CCDC198: variants seen among roughly 807,000 people sequenced by gnomAD.
CCDC198 encodes the protein factor associated with metabolism and energy.
Under a neutral mutation model 35.6 loss-of-function variants are expected in CCDC198, and 18 were observed. The observed-to-expected ratio is 0.51, with a 90% CI of 0.35 to 0.75. The LOEUF (loss-of-function observed/expected upper bound fraction) is 0.75, where lower values mean the gene tolerates loss of function less well. Among genes scored for constraint, CCDC198 ranks in the 30% least tolerant of loss-of-function variants. The probability of loss-of-function intolerance (pLI) is 0.01; values close to 1 mark genes in which losing one functional copy is unlikely to be tolerated. For missense variants in CCDC198, 365 were observed against 343.7 expected, an observed-to-expected ratio of 1.06 and a Z score of -0.49; for synonymous variants, 119 against 113.4, an observed-to-expected ratio of 1.05 and a Z score of -0.31.
intron 2 of CCDC198, among the ~76,000 whole-genome samples, chr14:57,487,324 G>T (rs1200056693): frequency 2.6e-5 from 4 of 152,166 alleles, no homozygotes; most frequent in Non-Finnish European, 5.9e-5. Flanking sequence ...TGGGAATCTG[G>T]TGAAGGGCCA....
Position 57,487,938 on chromosome 14 carries a change from G to T in CCDC198, c.306+3051C>A, listed in dbSNP as rs1389117359. Among the ~76,000 whole-genome samples, 10 of 152,116 alleles carry T rather than the reference G, an allele frequency of 6.6e-5. No homozygotes were observed. The East Asian group carries it at 1.9e-3, about 29-fold the overall frequency. Reference sequence around the variant, plus strand: ...TTCTAGTGATTTCCCTCCTCTCTGGGAGCTGACTTCAGAGTCTACAGGGGA... The same window carrying T: ...TTCTAGTGATTTCCCTCCTCTCTGGTAGCTGACTTCAGAGTCTACAGGGGA... On this transcript the variant is annotated intron_variant, in intron 2 of 5. Coordinates refer to ENST00000216445, the MANE Select transcript of CCDC198 (RefSeq NM_018168.4).
rs1341614038 is a variant in CCDC198, at chr14:57,493,793, G to C, written c.-78C>G. 1 of 1,107,872 alleles carries C rather than the reference G, an allele frequency of 9.0e-7. No homozygotes were observed. Among genetic ancestry groups the C allele is most frequent in the Non-Finnish European group, 1.3e-6 (1 of 771,220 alleles). The allele number at this position is 1,107,872 out of a possible 1,614,324, so 68.6% of individuals were successfully genotyped here. A position where few individuals can be genotyped will look rare whatever the true frequency, so the allele number is the denominator to read the frequency against. On this transcript the variant is annotated 5_prime_UTR_variant, in exon 1 of 6. Transcript: ENST00000216445. ...TTTAATATAGCTTATTTTAATCAAA[G>C]CATTTCAGAAGTTTACCCTCGCTTT...
At position 57,471,606 on chromosome 14, in the gene CCDC198, GT is replaced by G; in HGVS notation, c.656-17del. On this transcript the variant is annotated splice_polypyrimidine_tract_variant and intron_variant, in intron 5 of 5. Coordinates refer to ENST00000216445, the MANE Select transcript of CCDC198 (RefSeq NM_018168.4). The stretch of plus-strand genomic sequence containing the variant: ...TTTGAATTTCCTACAAAAAAATTAA[GT>G]TTCTTTAATTTTTTCCCTTAGCAAT... 7.0e-7 allele frequency: 1 copy of G among 1,427,056 alleles called. No individual in the cohort carries two copies. The allele number at this position is 1,427,056 out of a possible 1,614,324, so 88.4% of individuals were successfully genotyped here. A position where few individuals can be genotyped will look rare whatever the true frequency, so the allele number is the denominator to read the frequency against.
chr14:57,478,889 C>G (rs1013941067), intron 5 of CCDC198: 1 of 1,195,324 alleles, frequency 8.4e-7, no homozygotes, highest in Admixed American at 2.8e-5. Flanking sequence ...CTTAGAAGTT[C>G]AAGACCTCCA....
intron 2 of CCDC198, chr14:57,483,358 T>A: frequency 3.6e-6 from 2 of 555,194 alleles, no homozygotes; most frequent in Non-Finnish European, 6.2e-6. Flanking sequence ...TCTAGTGCAC[T>A]GTCGACAGTG....
intron 1 of CCDC198, among the ~76,000 whole-genome samples, chr14:57,492,706 C>T (rs1198966760): frequency 5.3e-5 from 8 of 151,940 alleles, no homozygotes; most frequent in Admixed American, 2.0e-4. Context: ...CTGAACAAGG[C>T]ATCCAATAAG....
chr14:57,473,671 TA>T (rs1254720696), intron 5 of CCDC198, among the ~76,000 whole-genome samples: 1 of 152,232 alleles, frequency 6.6e-6, no homozygotes, highest in African/African-American at 2.4e-5. Flanking sequence ...TTCATCCTTT[TA>T]CTTTCCCCTC....
intron 4 of CCDC198, among the ~76,000 whole-genome samples, chr14:57,481,352 G>C (rs552145349): frequency 6.6e-6 from 1 of 152,156 alleles, no homozygotes; most frequent in African/African-American, 2.4e-5. Flanking sequence ...CAGATACACA[G>C]ATACAAACTT....
chr14:57,478,628 A>G, intron 5 of CCDC198: 1 of 994,008 alleles, frequency 1.0e-6, no homozygotes, highest in South Asian at 4.5e-5. Flanking sequence ...GATGACTCTT[A>G]AATGTCTAAC....
rs1250404544 is a variant in CCDC198 at position 57,475,695 on chromosome 14, G to A, written c.656-4105C>T. On this transcript the variant is annotated intron_variant, in intron 5 of 5. Transcript: ENST00000216445. ...GCACTCCAGCCTGGGTAACAGGAGCGAAACTCTGTCTTAAAAAAAAAAAAA... is the reference window on the plus strand; with the variant it reads ...GCACTCCAGCCTGGGTAACAGGAGCAAAACTCTGTCTTAAAAAAAAAAAAA... The A allele has an allele frequency of 6.6e-5, 26 of 391,562 alleles. No individual in the cohort carries two copies. The Admixed American group carries it at 7.0e-4, about 10-fold the overall frequency. 24.3% of individuals were successfully genotyped at this position (391,562 alleles called of 1,614,324 possible).
In CCDC198 at chr14:57,480,654, C is replaced by T. The variant is rs759817234; in HGVS notation, c.596G>A (p.Arg199Lys). ...KAKKTLQSTP[R>K]NDDHDLLTML... ...GGTTAGAAGGTCATGGTCATCATTC[C>T]TTGGGGTGCTTTGAAGGGTTTTCTT... The change falls in exon 5 of 6, where the codon AGG (arginine) becomes AAG (lysine). Residue 199 changes from arginine (R) to lysine (K), a missense_variant. Physicochemically the swap from Arg to Lys is conservative, Grantham distance 26. Transcript: ENST00000216445. 1 of 1,614,084 alleles carries T rather than the reference C, an allele frequency of 6.2e-7. No individual in the cohort carries two copies. The highest frequency in any genetic ancestry group is 1.1e-5 in the South Asian group (1 of 91,068).
intron 5 of CCDC198, among the ~76,000 whole-genome samples, chr14:57,472,733 A>G (rs1010124525): frequency 3.3e-5 from 5 of 152,140 alleles, no homozygotes; most frequent in African/African-American, 7.2e-5. Flanking sequence ...GTGCATATGT[A>G]TTTACCTTAG....
rs192099369 is a variant in CCDC198, at chr14:57,491,923, C to T, written c.224-852G>A. ...CCTTAAGACATGTGAATAACCACTT[C>T]AAGGACTTTGTTCTCTCTAACTTTT... On this transcript the variant is annotated intron_variant, in intron 1 of 5. Transcript: ENST00000216445. Among the ~76,000 whole-genome samples, 243 of 152,218 alleles carry T rather than the reference C, an allele frequency of 1.6e-3. 1 individual carries two copies. Among genetic ancestry groups the T allele is most frequent in the East Asian group, 6.8e-3 (35 of 5,172 alleles).
At chr14:57,474,423 A>G (rs1321853055) in intron 5 of CCDC198, among the ~76,000 whole-genome samples, 6 of 152,232 alleles carry the variant, frequency 3.9e-5, no homozygotes, top group Non-Finnish European at 8.8e-5. Flanking sequence ...AGGAGCTCTG[A>G]AACAGAAGGG....
intron 2 of CCDC198, among the ~76,000 whole-genome samples, chr14:57,483,706 T>C (rs377489291): frequency 1.6e-4 from 24 of 152,318 alleles, no homozygotes; most frequent in Middle Eastern, 3.4e-3. Flanking sequence ...GGAGATCATG[T>C]TGGCATTTCA....
intron 3 of CCDC198, among the ~76,000 whole-genome samples, 191 bp from the exon 4 acceptor site, chr14:57,481,851 G>T (rs2067199684): frequency 6.6e-6 from 1 of 152,164 alleles, no homozygotes; most frequent in African/African-American, 2.4e-5. Context: ...GAATGAAGTG[G>T]CTCTTTGATG....
Position 57,493,635 on chromosome 14 carries a change from C to G in CCDC198, c.81G>C (p.Ser27=). ...TGAATGCAAAGTCCACACGGCCAGC[C>G]GAGGGAGTCTCTACCTCTTTGTTTT... The part of the protein sequence containing the change: ...PLQNKEVETP[S]AGRVDFAFNQ... Residue 27 remains serine (S), a synonymous_variant, in exon 1 of 6, where the codon TCG becomes TCC. Transcript: ENST00000216445. 1 of 1,613,916 alleles carries G rather than the reference C, an allele frequency of 6.2e-7. No individual in the cohort carries two copies. The highest frequency in any genetic ancestry group is 8.5e-7 in the Non-Finnish European group (1 of 1,179,908).
intron 1 of CCDC198, 116 bp from the exon 2 acceptor site, chr14:57,491,187 A>G: frequency 1.0e-6 from 1 of 983,048 alleles, no homozygotes; most frequent in Non-Finnish European, 1.5e-6. Flanking sequence ...TCAGTTATAT[A>G]TGTCTAACCT....
chr14:57,475,657 A>C (rs544783427), intron 5 of CCDC198: 27 of 410,288 alleles, frequency 6.6e-5, no homozygotes, highest in Admixed American at 6.1e-4. Context: ...CGGTGAGCCG[A>C]GATCATGCCA....
Sources: gnomAD v4.1 joint callset for allele counts (sites outside exome capture counted in the v4.1 genomes callset) on GRCh38, gnomAD v4.1.1 for gene constraint, MANE v1.5 for transcripts, NCBI Gene and HGNC (gene_info 2026-07-23, HGNC 2026-07-21) for gene names.